The following ZNF544 variants were observed in gnomAD, a reference collection of about 807,000 sequenced individuals.
The protein encoded by ZNF544 is zinc finger protein 544.
Under a neutral mutation model 13.5 loss-of-function variants are expected in ZNF544, and 10 were observed. That is an observed-to-expected ratio of 0.74 (90% CI 0.46 to 1.25). The LOEUF (loss-of-function observed/expected upper bound fraction) is 1.25. ZNF544 is among the 50% of genes most tolerant of loss of function. The probability of loss-of-function intolerance (pLI) is 0.00; values close to 1 mark genes in which losing one functional copy is unlikely to be tolerated. For missense variants in ZNF544, 896 were observed against 845.6 expected (o/e 1.06, Z -0.74); for synonymous variants, 323 against 300.5 (o/e 1.07, Z -0.77).
intron 3 of ZNF544, among the ~76,000 whole-genome samples, chr19:58,241,174 T>TATTTAA (rs66694116): frequency 5.3e-5 from 5 of 94,644 alleles, no homozygotes; most frequent in African/African-American, 1.9e-4. Context: ...TATATATATA[T>TATTTAA]ATATATTTTT....
intron 2 of ZNF544, chr19:58,229,991 T>C (rs981228343): frequency 1.3e-5 from 2 of 152,426 alleles, no homozygotes; most frequent in South Asian, 2.1e-4. Flanking sequence ...AAGGAAGATG[T>C]GGTATGCCTG....
intron 5 of ZNF544, 122 bp downstream of exon 5, chr19:58,246,549 C>G: frequency 6.7e-7 from 1 of 1,499,742 alleles, no homozygotes; most frequent in Non-Finnish European, 9.1e-7. Context: ...AGGTGCAGTT[C>G]CCAGGGGTTG....
chr19:58,275,521 G>GAA (rs139085399), intron 5 of ZNF544, among the ~76,000 whole-genome samples: 38 of 148,608 alleles, frequency 2.6e-4, no homozygotes, highest in East Asian at 1.2e-3. Context: ...AACTAGAAAA[G>GAA]AAAAAAAAAA....
intron 3 of ZNF544, among the ~76,000 whole-genome samples, chr19:58,238,827 A>T (rs1233108889): frequency 6.6e-6 from 1 of 151,378 alleles, no homozygotes; most frequent in Non-Finnish European, 1.5e-5. Flanking sequence ...GGTTGTAGGG[A>T]TTAGGATATG....
chr19:58,262,405 G>A lies in ZNF544; in HGVS notation c.1799G>A (p.Gly600Glu), dbSNP rs777875401. ...GTTGCACATAAAAGAACTCACACTGGAGAAAAGCCCTATGAATGTAACGAG... is the reference window on the plus strand; with the variant it reads ...GTTGCACATAAAAGAACTCACACTGAAGAAAAGCCCTATGAATGTAACGAG... ...QLVAHKRTHT[G>E]EKPYECNECG... Residue 600 changes from glycine to glutamate, a missense_variant, in exon 7 of 7, where the codon GGA becomes GAA. Physicochemically the swap from Gly to Glu is moderately conservative, Grantham distance 98 (BLOSUM62 -2). Transcript: ENST00000687789. 2 of 1,614,090 alleles carry A rather than the reference G, an allele frequency of 1.2e-6. No homozygotes were observed. The highest frequency in any genetic ancestry group is 1.7e-5 in the Admixed American group (1 of 59,994).
In ZNF544 at chr19:58,261,273, T is replaced by C. The variant is rs1782688351; in HGVS notation, c.667T>C (p.Cys223Arg). ...CESHQCARAF[C>R]QSIYLSKLGN... ...GAGTCATCAGTGTGCTAGAGCTTTC[T>C]GTCAGAGTATTTACTTGAGTAAACT... is the stretch of plus-strand genomic sequence containing the variant. Residue 223 changes from cysteine (C) to arginine (R), a missense_variant, in exon 7 of 7, where the codon TGT (cysteine) becomes CGT (arginine). Coordinates refer to ENST00000687789, the MANE Select transcript of ZNF544 (RefSeq NM_014480.4). 4 of 1,614,076 alleles carry C rather than the reference T, an allele frequency of 2.5e-6. No homozygotes were observed. Among genetic ancestry groups the C allele is most frequent in the Non-Finnish European group, 3.4e-6 (4 of 1,180,048 alleles).
rs2042621638 is a variant in ZNF544, at chr19:58,237,299, AGCAGTCC to A, written c.-59-6663_-59-6657del. Among the ~76,000 whole-genome samples the A allele has an allele frequency of 2.6e-5, 4 of 152,034 alleles. No homozygotes were observed. In the South Asian group the frequency reaches 8.3e-4, roughly 32 times the overall value. ...GGCTTGTCTTGATCTCCTCGGCTCAAGCAGTCCGCCTGCCTCTGCTGCCCAGAGTTTA... is the reference window on the plus strand; with the variant it reads ...GGCTTGTCTTGATCTCCTCGGCTCAAGCCTGCCTCTGCTGCCCAGAGTTTA... On this transcript the variant is annotated intron_variant, in intron 3 of 6. Coordinates refer to ENST00000687789, the MANE Select transcript of ZNF544 (RefSeq NM_014480.4).
In ZNF544 at chr19:58,262,331, G is replaced by A. The variant is rs761510490; in HGVS notation, c.1725G>A (p.Pro575=). The change falls in exon 7 of 7, where the codon CCG becomes CCA. Residue 575 remains proline, a synonymous_variant. Coordinates refer to ENST00000687789, the MANE Select transcript of ZNF544 (RefSeq NM_014480.4). ...IHQRIHTGEK[P]YDCTHCGKSF... ...AGAGAATTCATACTGGAGAGAAACC[G>A]TACGATTGCACTCACTGTGGAAAGT... 1.7e-5 allele frequency: 28 copies of A among 1,613,210 alleles called. No individual in the cohort carries two copies. The highest frequency in any genetic ancestry group is 1.6e-4 in the Middle Eastern group (1 of 6,074).
chr19:58,262,051 A>G lies in ZNF544; in HGVS notation c.1445A>G (p.His482Arg). The G allele has an allele frequency of 6.2e-7, 1 of 1,613,342 alleles. No homozygotes were observed. The highest frequency in any genetic ancestry group is 8.5e-7 in the Non-Finnish European group (1 of 1,179,880). ...AGCCAAAGCTATGAGTTAGTTACAC[A>G]TAAAAGAACGCACACTGGAGAAAAA... is the stretch of plus-strand genomic sequence containing the variant. ...SFSQSYELVT[H>R]KRTHTGEKPF... is the part of the protein sequence containing the mutation. Residue 482 changes from histidine to arginine, a missense_variant, in exon 7 of 7, where the codon CAT becomes CGT. His to Arg is a conservative substitution (Grantham distance 29). Transcript: ENST00000687789.
chr19:58,263,606 T>A lies in ZNF544; in HGVS notation c.*852T>A. 1.0e-6 allele frequency: 1 copy of A among 980,980 alleles called. No individual in the cohort carries two copies. Among genetic ancestry groups the A allele is most frequent in the Non-Finnish European group, 1.2e-6 (1 of 825,908 alleles). 60.8% of individuals were successfully genotyped at this position (980,980 alleles called of 1,614,324 possible). Reference sequence around the variant, plus strand: ...GCACTGAAACTGTGTATTACCAAGCTCACTCTAGCCAACTAAATAAAAATC... The same window carrying A: ...GCACTGAAACTGTGTATTACCAAGCACACTCTAGCCAACTAAATAAAAATC... On this transcript the variant is annotated 3_prime_UTR_variant, in exon 7 of 7. Transcript: ENST00000687789.
chr19:58,239,176 G>T (rs929972119), intron 3 of ZNF544, among the ~76,000 whole-genome samples: 1 of 152,172 alleles, frequency 6.6e-6, no homozygotes, highest in East Asian at 1.9e-4. Flanking sequence ...AGGCTTGCCC[G>T]CAAGGTTCTT....
chr19:58,254,826 C>A (rs1359339639), intron 6 of ZNF544, among the ~76,000 whole-genome samples: 1 of 150,626 alleles, frequency 6.6e-6, no homozygotes, highest in South Asian at 2.1e-4. Flanking sequence ...AAGGATCCAG[C>A]GGTATGTGAA....
At position 58,262,553 on chromosome 19, in the gene ZNF544, G is replaced by A. The variant is rs377082552; in HGVS notation, c.1947G>A (p.Met649Ile). Residue 649 changes from methionine to isoleucine, a missense_variant, in exon 7 of 7, where the codon ATG becomes ATA. Met to Ile is a conservative substitution (Grantham distance 10). Coordinates refer to ENST00000687789, the MANE Select transcript of ZNF544 (RefSeq NM_014480.4). Reference sequence around the variant, plus strand: ...TTGCAAGGAGCTCCTACCTTGTGATGCATCAGAGAACTCACACTGGTGAGA... The same window carrying A: ...TTGCAAGGAGCTCCTACCTTGTGATACATCAGAGAACTCACACTGGTGAGA... The part of the protein sequence containing the change: ...KAFARSSYLV[M>I]HQRTHTGEKP... 1 of 1,614,158 alleles carries A rather than the reference G, an allele frequency of 6.2e-7. No individual in the cohort carries two copies. The highest frequency in any genetic ancestry group is 8.5e-7 in the Non-Finnish European group (1 of 1,180,014).
At chr19:58,275,582 A>T (rs1204437031) in intron 5 of ZNF544, among the ~76,000 whole-genome samples, 1 of 151,924 alleles carries the variant, frequency 6.6e-6, no homozygotes, top group South Asian at 2.1e-4. Context: ...GCCAAGGCGG[A>T]TGGACTGCTT....
intron 6 of ZNF544, among the ~76,000 whole-genome samples, chr19:58,248,054 C>T (rs1301086124): frequency 6.6e-6 from 1 of 151,954 alleles, no homozygotes; most frequent in East Asian, 1.9e-4. Flanking sequence ...ACTGGGACTA[C>T]AGGCACGCAC....
chr19:58,268,985 CT>C (rs2050272724), downstream of ZNF544, among the ~76,000 whole-genome samples: 1 of 152,130 alleles, frequency 6.6e-6, no homozygotes, highest in African/African-American at 2.4e-5. Flanking sequence ...AGAAGGGAAA[CT>C]TTGAAGAGGA....
chr19:58,266,285 A>G (rs1251289688), downstream of ZNF544, among the ~76,000 whole-genome samples: 1 of 146,906 alleles, frequency 6.8e-6, no homozygotes, highest in Non-Finnish European at 1.5e-5. Flanking sequence ...TTGGGAGGCC[A>G]AGGAGGGTGG....
At chr19:58,258,341 G>C (rs2048016206) in intron 6 of ZNF544, 1 of 152,894 alleles carries the variant, frequency 6.5e-6, no homozygotes, top group Non-Finnish European at 1.5e-5. Flanking sequence ...AGGAACCACA[G>C]AGTTGGGATG....
intron 6 of ZNF544, among the ~76,000 whole-genome samples, chr19:58,253,504 TCTC>T (rs1182360995): frequency 6.6e-6 from 1 of 152,238 alleles, no homozygotes; most frequent in Non-Finnish European, 1.5e-5. Flanking sequence ...AGAGGCACAA[TCTC>T]AGCTCACTGC....
Sources: gnomAD v4.1 joint callset for allele counts (sites outside exome capture counted in the v4.1 genomes callset) on GRCh38, gnomAD v4.1.1 for gene constraint, MANE v1.5 for transcripts, NCBI Gene and HGNC (gene_info 2026-07-23, HGNC 2026-07-21) for gene names.